LRFN2: variants seen among roughly 807,000 people sequenced by gnomAD.
The protein encoded by LRFN2 is leucine rich repeat and fibronectin type III domain containing 2, also known as leucine-rich repeat and fibronectin type-III domain-containing protein 2.
LRFN2 carries 18 observed loss-of-function variants against 37.3 expected under a neutral mutation model. That is an observed-to-expected ratio of 0.48 (90% CI 0.33 to 0.72). The LOEUF is 0.72. LRFN2 is among the 30% of genes least tolerant of loss of function. The pLI, the probability that LRFN2 is intolerant of heterozygous loss-of-function variation, is 0.02. For synonymous variants in LRFN2, 556 were observed against 466.6 expected, an observed-to-expected ratio of 1.19 and a Z score of -2.47; for missense variants, 1,006 against 1,060.7, an observed-to-expected ratio of 0.95 and a Z score of 0.72.
At chr6:40,487,377 A>G (rs553971198) in intron 1 of LRFN2, among the ~76,000 whole-genome samples, 1 of 152,200 alleles carries the variant, frequency 6.6e-6, no homozygotes, top group African/African-American at 2.4e-5. Flanking sequence ...TCTCACTGAC[A>G]TCACCACTGG....
chr6:40,502,226 C>T (rs1023524650), intron 1 of LRFN2: 1 of 152,138 alleles, frequency 6.6e-6, no homozygotes, highest in African/African-American at 2.4e-5. Flanking sequence ...AGTGAGTTGC[C>T]CTGGACTAAC....
rs931014627 is a variant in LRFN2, at chr6:40,407,453, C to T, written c.1401-14541G>A. 5.9e-5 allele frequency among the ~76,000 whole-genome samples: 9 copies of T among 152,304 alleles called. No individual in the cohort carries two copies. The South Asian group carries it at 1.7e-3, about 28-fold the overall frequency. On this transcript the variant is annotated intron_variant, in intron 2 of 2. Coordinates refer to ENST00000338305, the MANE Select transcript of LRFN2 (RefSeq NM_020737.3). ...TGTGAAATGGGAGAGTAATACTAGC[C>T]TTCTGTGGTGAGTGTGAGAAATCAA...
intron 1 of LRFN2, among the ~76,000 whole-genome samples, chr6:40,584,694 A>C (rs1257883563): frequency 6.6e-6 from 1 of 152,032 alleles, no homozygotes. Flanking sequence ...GGGTAGACAG[A>C]CCCCACGCCA....
chr6:40,444,568 C>T (rs1763921529), intron 1 of LRFN2, among the ~76,000 whole-genome samples: 1 of 152,146 alleles, frequency 6.6e-6, no homozygotes. Context: ...CTGACTCTCA[C>T]TTACAACCGG....
At chr6:40,435,873 T>C (rs1433732114) in intron 1 of LRFN2, among the ~76,000 whole-genome samples, 2 of 152,172 alleles carry the variant, frequency 1.3e-5, no homozygotes, top group African/African-American at 2.4e-5. Context: ...TTATTATGTA[T>C]ATTTGAATTC....
At chr6:40,574,473 A>G (rs914644761) in intron 1 of LRFN2, among the ~76,000 whole-genome samples, 3 of 152,192 alleles carry the variant, frequency 2.0e-5, no homozygotes, top group South Asian at 2.1e-4. Flanking sequence ...AAAGCAACAG[A>G]AACATCAGCC....
chr6:40,476,069 T>A (rs917773143), intron 1 of LRFN2, among the ~76,000 whole-genome samples: 2 of 152,166 alleles, frequency 1.3e-5, no homozygotes, highest in Non-Finnish European at 2.9e-5. Flanking sequence ...GGGCCCAGCG[T>A]GGCCTAGGAA....
intron 1 of LRFN2, among the ~76,000 whole-genome samples, chr6:40,538,748 C>T (rs568516591): frequency 1.1e-4 from 17 of 152,348 alleles, no homozygotes; most frequent in South Asian, 2.1e-4. Flanking sequence ...CACCTGCCCC[C>T]GGTCTCAGAT....
chr6:40,485,102 A>T (rs1246641034), intron 1 of LRFN2, among the ~76,000 whole-genome samples: 1 of 152,188 alleles, frequency 6.6e-6, no homozygotes, highest in East Asian at 1.9e-4. Context: ...TCTTTGGTTT[A>T]TTATTCTAGC....
chr6:40,410,877 C>A (rs1762951740), intron 2 of LRFN2, among the ~76,000 whole-genome samples: 1 of 152,176 alleles, frequency 6.6e-6, no homozygotes, highest in African/African-American at 2.4e-5. Context: ...TAGAGGTGCA[C>A]CATCCTGATT....
At position 40,431,947 on chromosome 6, in the gene LRFN2, A is replaced by G. The variant is rs746285437; in HGVS notation, c.1167T>C (p.Thr389=). 12 of 1,613,614 alleles carry G rather than the reference A, an allele frequency of 7.4e-6. No individual in the cohort carries two copies. The Admixed American group carries it at 1.3e-4, about 18-fold the overall frequency. ...CTGAGAGGCGGGACTTGGGGGGTGC[A>G]GTGCGGCTGGTGCTGTTGCTGAGGT... ...LPHLSNSTSR[T]APPKSRLSDI... is the part of the protein sequence containing the mutation. Residue 389 remains threonine, a synonymous_variant, in exon 2 of 3, where the codon ACT becomes ACC. Transcript: ENST00000338305.
intron 1 of LRFN2, among the ~76,000 whole-genome samples, chr6:40,507,752 C>G (rs1366373658): frequency 6.6e-6 from 1 of 152,190 alleles, no homozygotes; most frequent in Non-Finnish European, 1.5e-5. Flanking sequence ...CTGTTTTGAT[C>G]ATGCCTCTTG....
intron 1 of LRFN2, among the ~76,000 whole-genome samples, chr6:40,500,687 A>G (rs1054139556): frequency 1.3e-5 from 2 of 152,278 alleles, no homozygotes; most frequent in Non-Finnish European, 2.9e-5. Context: ...TAATCCAAAC[A>G]GTGCACTGGA....
chr6:40,433,138 G>T lies in LRFN2; in HGVS notation c.-18-7C>A. The T allele has an allele frequency of 6.6e-7, 1 of 1,513,698 alleles. No individual in the cohort carries two copies. The highest frequency in any genetic ancestry group is 8.8e-7 in the Non-Finnish European group (1 of 1,132,576). The allele number at this position is 1,513,698 out of a possible 1,614,324, so 93.8% of individuals were successfully genotyped here. A position where few individuals can be genotyped will look rare whatever the true frequency, so the allele number is the denominator to read the frequency against. On this transcript the variant is annotated splice_region_variant and splice_polypyrimidine_tract_variant and intron_variant, in intron 1 of 2. Coordinates refer to ENST00000338305, the MANE Select transcript of LRFN2 (RefSeq NM_020737.3). ...TGGTCTGGTCACTCAGCGCCTGGAA[G>T]GGAGAAACACAAGCTCAGGGTCAGG...
intron 2 of LRFN2, among the ~76,000 whole-genome samples, chr6:40,403,703 G>A (rs1005985915): frequency 2.3e-4 from 35 of 152,118 alleles, no homozygotes; most frequent in African/African-American, 8.5e-4. Context: ...GTTGGCCTCT[G>A]GGTCTGGGTG....
chr6:40,522,815 G>C (rs1366875239), intron 1 of LRFN2, among the ~76,000 whole-genome samples: 1 of 152,210 alleles, frequency 6.6e-6, no homozygotes, highest in Admixed American at 6.5e-5. Context: ...GGGGGAATCA[G>C]GGATGACAGC....
At chr6:40,543,073 C>T (rs1766585932) in intron 1 of LRFN2, among the ~76,000 whole-genome samples, 1 of 152,200 alleles carries the variant, frequency 6.6e-6, no homozygotes, top group South Asian at 2.1e-4. Context: ...CTTCCAGAGC[C>T]CCTGCCAGCT....
intron 1 of LRFN2, among the ~76,000 whole-genome samples, chr6:40,521,995 A>G (rs531475310): frequency 2.0e-5 from 3 of 152,204 alleles, no homozygotes; most frequent in Non-Finnish European, 4.4e-5. Flanking sequence ...GATTAAGGCC[A>G]TGCCTCCAAG....
chr6:40,413,271 G>C (rs1398254042), intron 2 of LRFN2, among the ~76,000 whole-genome samples: 1 of 152,206 alleles, frequency 6.6e-6, no homozygotes, highest in East Asian at 1.9e-4. Context: ...CAACAGCCCA[G>C]CTGTGATCTA....
Sources: gnomAD v4.1 joint callset for allele counts (sites outside exome capture counted in the v4.1 genomes callset) on GRCh38, gnomAD v4.1.1 for gene constraint, MANE v1.5 for transcripts, NCBI Gene and HGNC (gene_info 2026-07-23, HGNC 2026-07-21) for gene names.